TSPEAR: variants seen among roughly 807,000 people sequenced by gnomAD.
TSPEAR encodes thrombospondin-type laminin G domain and EAR repeat-containing protein.
In TSPEAR, 69 loss-of-function variants were observed where a neutral mutation model predicts 71.6. The observed-to-expected ratio is 0.96, with a 90% CI of 0.79 to 1.18. TSPEAR has a LOEUF of 1.18. Ranked by LOEUF, TSPEAR falls within the 50% of genes most tolerant of loss-of-function variation. The probability of loss-of-function intolerance (pLI) is 0.00; values close to 1 mark genes in which losing one functional copy is unlikely to be tolerated. For missense variants in TSPEAR, 971 were observed against 894.9 expected, an observed-to-expected ratio of 1.09 and a Z score of -1.09; for synonymous variants, 402 against 387.2, an observed-to-expected ratio of 1.04 and a Z score of -0.45.
chr21:44,627,007 C>A, intron 1 of TSPEAR: 1 of 1,137,458 alleles, frequency 8.8e-7, no homozygotes, highest in Non-Finnish European at 1.2e-6. Context: ...CAGACGCCGC[C>A]TCTCAGCAAC....
chr21:44,518,435 G>A (rs759770030), intron 9 of TSPEAR: 12 of 391,586 alleles, frequency 3.1e-5, no homozygotes, highest in East Asian at 7.3e-5. Context: ...TTAGGATCAC[G>A]GTGTTGGTAG....
At chr21:44,647,455 A>G in intron 1 of TSPEAR, 1 of 1,358,674 alleles carries the variant, frequency 7.4e-7, no homozygotes, top group Admixed American at 2.3e-5. Flanking sequence ...CAGCTCCATC[A>G]GTAGCCACAG....
chr21:44,637,865 G>A (rs1268941755), intron 1 of TSPEAR: 3 of 1,530,402 alleles, frequency 2.0e-6, no homozygotes, highest in African/African-American at 1.4e-5. Flanking sequence ...CTGTGTGCCT[G>A]TCTGCTCTAA....
At chr21:44,508,379 C>CT (rs1414980077) in intron 10 of TSPEAR, 1 of 658,000 alleles carries the variant, frequency 1.5e-6, no homozygotes, top group Admixed American at 5.3e-5. Flanking sequence ...GAATTGTTAC[C>CT]GAATGAAATA....
intron 1 of TSPEAR, among the ~76,000 whole-genome samples, chr21:44,575,844 C>T (rs1978403271): frequency 6.6e-6 from 1 of 152,098 alleles, no homozygotes; most frequent in Admixed American, 6.5e-5. Context: ...TCGCTTCCAC[C>T]CTGTGTGAGC....
chr21:44,649,938 T>A (rs78486169), intron 1 of TSPEAR, among the ~76,000 whole-genome samples: 1 of 152,148 alleles, frequency 6.6e-6, no homozygotes, highest in East Asian at 1.9e-4. Flanking sequence ...AAAAAAGACA[T>A]GTTGGTCCAG....
rs2052288810 is a variant in TSPEAR, at chr21:44,509,325, G to A, written c.1628C>T (p.Ala543Val). 3.1e-6 allele frequency: 5 copies of A among 1,613,870 alleles called. No individual in the cohort carries two copies. Among genetic ancestry groups the A allele is most frequent in the Non-Finnish European group, 2.5e-6 (3 of 1,180,010 alleles). The change falls in exon 10 of 12, where the codon GCA becomes GTA. Residue 543 changes from alanine (A) to valine (V), a missense_variant. Ala to Val is a moderately conservative substitution (Grantham distance 64, BLOSUM62 0). Coordinates refer to ENST00000323084, the MANE Select transcript of TSPEAR (RefSeq NM_144991.3). Reference protein sequence around the residue: ...QIGERIFLAVANSHSYDVEMQ... With the variant: ...QIGERIFLAVVNSHSYDVEMQ... The stretch of plus-strand genomic sequence containing the variant: ...CTCCACATCGTAGCTGTGACTGTTT[G>A]CCACAGCGAGGAAGATCCTCTCCCC...
Position 44,527,421 on chromosome 21 carries a change from G to A in TSPEAR, c.1020C>T (p.Leu340=), listed in dbSNP as rs1601366114. 6.2e-7 allele frequency: 1 copy of A among 1,614,238 alleles called. No individual in the cohort carries two copies. The highest frequency in any genetic ancestry group is 1.1e-5 in the South Asian group (1 of 91,090). Residue 340 remains leucine, a synonymous_variant, in exon 7 of 12, where the codon CTC becomes CTT. Coordinates refer to ENST00000323084, the MANE Select transcript of TSPEAR (RefSeq NM_144991.3). ...CTTTGCGATTGGCTGTGGCCACAAAGAGCCCCACCTGAGGGATGCGGAACA... is the reference window on the plus strand; with the variant it reads ...CTTTGCGATTGGCTGTGGCCACAAAAAGCCCCACCTGAGGGATGCGGAACA... ...IEVFRIPQVG[L]FVATANRKAT...
chr21:44,614,101 G>A (rs1981911763), intron 1 of TSPEAR, among the ~76,000 whole-genome samples: 1 of 152,176 alleles, frequency 6.6e-6, no homozygotes, highest in Non-Finnish European at 1.5e-5. Context: ...GTCTGTCGGG[G>A]TGTCTGGTGT....
intron 9 of TSPEAR, chr21:44,515,782 GACTGCCTTCCAGA>G (rs2052547896): frequency 6.6e-6 from 1 of 152,206 alleles, no homozygotes; most frequent in African/African-American, 2.4e-5. Flanking sequence ...AACACCTCCC[GACTGCCTTCCAGA>G]ACACACAAAG....
chr21:44,704,451 C>G (rs1555951996), intron 1 of TSPEAR, among the ~76,000 whole-genome samples: 3 of 152,244 alleles, frequency 2.0e-5, no homozygotes, highest in Non-Finnish European at 2.9e-5. Context: ...GTGGCCCTGA[C>G]CTGCCAGAGC....
At chr21:44,533,988 G>C in intron 2 of TSPEAR, 65 bp from the exon 3 acceptor site, 1 of 1,201,602 alleles carries the variant, frequency 8.3e-7, no homozygotes, top group Non-Finnish European at 1.2e-6. Context: ...GGGCAGGGCA[G>C]ATGGGAATGG....
At chr21:44,516,599 A>C (rs1457780487) in intron 9 of TSPEAR, 2 of 152,210 alleles carry the variant, frequency 1.3e-5, no homozygotes, top group Non-Finnish European at 2.9e-5. Flanking sequence ...TCTGAGTGAC[A>C]CATCAGGATC....
At position 44,591,400 on chromosome 21, in the gene TSPEAR, T is replaced by A. The variant is rs1979815781; in HGVS notation, c.83-23395A>T. 6.2e-7 allele frequency: 1 copy of A among 1,608,634 alleles called. No homozygotes were observed. The highest frequency in any genetic ancestry group is 1.7e-5 in the Admixed American group (1 of 59,854). On this transcript the variant is annotated intron_variant, in intron 1 of 11. Transcript: ENST00000323084. ...CATCCAGGGCTGTCAGCAGCTGGAC[T>A]TCTGGCCAGAGCAGAGGCTGTAGCA...
chr21:44,649,455 G>A (rs1326753273), intron 1 of TSPEAR, among the ~76,000 whole-genome samples: 2 of 152,124 alleles, frequency 1.3e-5, no homozygotes, highest in African/African-American at 4.8e-5. Context: ...GTTCCCAAAC[G>A]GCTCCCCCGC....
chr21:44,628,908 G>C (rs1325393474), intron 1 of TSPEAR, among the ~76,000 whole-genome samples: 1 of 151,846 alleles, frequency 6.6e-6, no homozygotes, highest in Admixed American at 6.6e-5. Context: ...ACAGACACGT[G>C]GTCTCCAGAG....
intron 1 of TSPEAR, chr21:44,647,069 G>A (rs781874539): frequency 1.9e-6 from 3 of 1,613,704 alleles, no homozygotes; most frequent in Admixed American, 1.7e-5. Context: ...CCCATCTGCT[G>A]TGTGCCTGTC....
intron 1 of TSPEAR, among the ~76,000 whole-genome samples, chr21:44,679,763 A>AGGT (rs777499654): frequency 4.3e-4 from 66 of 152,356 alleles, no homozygotes; most frequent in Non-Finnish European, 5.3e-4. Context: ...TTTTCAACAA[A>AGGT]GGTGCCAAGA....
intron 1 of TSPEAR, among the ~76,000 whole-genome samples, chr21:44,631,547 G>A (rs1983257933): frequency 6.6e-6 from 1 of 152,080 alleles, no homozygotes; most frequent in African/African-American, 2.4e-5. Flanking sequence ...GTGAAACCCT[G>A]TCTCTACTAA....
Sources: allele counts gnomAD v4.1 joint callset (sites outside exome capture counted in the v4.1 genomes callset), GRCh38; gene constraint gnomAD v4.1.1; transcripts MANE v1.5; gene names NCBI Gene and HGNC (gene_info 2026-07-23, HGNC 2026-07-21).